Variants in ZNF280D observed in about 807,000 individuals in gnomAD.
ZNF280D encodes the protein zinc finger protein 280D, also known as suppressor of hairy wing homolog 4.
Under a neutral mutation model 94.7 loss-of-function variants are expected in ZNF280D, and 39 were observed. That is an observed-to-expected ratio of 0.41 (90% confidence interval 0.32 to 0.54). ZNF280D has a LOEUF of 0.54. ZNF280D is among the 20% of genes least tolerant of loss of function. The pLI is 0.22. For synonymous variants in ZNF280D, 398 were observed against 377.6 expected, an observed-to-expected ratio of 1.05 and a Z score of -0.63; for missense variants, 1,090 against 1,149.3, an observed-to-expected ratio of 0.95 and a Z score of 0.75.
At chr15:56,680,002 G>A (rs1002039760) in intron 10 of ZNF280D, among the ~76,000 whole-genome samples, 1 of 152,142 alleles carries the variant, frequency 6.6e-6, no homozygotes. Context: ...AACATAAAAT[G>A]TTCCCTTAAC....
intron 13 of ZNF280D, among the ~76,000 whole-genome samples, chr15:56,673,878 A>G (rs1400940913): frequency 6.6e-6 from 1 of 151,904 alleles, no homozygotes; most frequent in Non-Finnish European, 1.5e-5. Context: ...AACATTCTTT[A>G]TACAACGTCC....
In ZNF280D at chr15:56,654,409, T is replaced by C; in HGVS notation, c.2152A>G (p.Thr718Ala). 1.2e-6 allele frequency: 2 copies of C among 1,606,154 alleles called. No homozygotes were observed. The highest frequency in any genetic ancestry group is 1.7e-6 in the Non-Finnish European group (2 of 1,178,040). Residue 718 changes from threonine to alanine, a missense_variant, in exon 18 of 22, where the codon ACT (threonine) becomes GCT (alanine). Thr to Ala is a moderately conservative substitution (Grantham distance 58). Transcript: ENST00000267807. ...CCTTTCTGCATTACAACTTGGCAAG[T>C]ATGAGTTTTATGTTGACTTAAGTGT... ...ATHLSQHKTH[T>A]CQVVMQKVSV...
At chr15:56,728,460 A>G (rs1180786474) in intron 1 of ZNF280D, among the ~76,000 whole-genome samples, 1 of 152,252 alleles carries the variant, frequency 6.6e-6, no homozygotes, top group East Asian at 1.9e-4. Context: ...AAATTGAAAA[A>G]TCTTGCAATT....
chr15:56,680,186 A>C (rs1270078173), intron 10 of ZNF280D, among the ~76,000 whole-genome samples: 2 of 152,214 alleles, frequency 1.3e-5, no homozygotes, highest in Admixed American at 6.5e-5. Context: ...CAATATATTG[A>C]CATGGCAGAG....
chr15:56,704,987 A>G (rs1215846567), intron 3 of ZNF280D, among the ~76,000 whole-genome samples: 2 of 152,052 alleles, frequency 1.3e-5, no homozygotes. Context: ...ATGTCTTTAA[A>G]AAAAAAAATG....
chr15:56,668,704 A>G, intron 14 of ZNF280D, 119 bp downstream of exon 14: 1 of 967,784 alleles, frequency 1.0e-6, no homozygotes, highest in Non-Finnish European at 1.4e-6. Context: ...TTAAAACCTA[A>G]AATTAGAGTC....
intron 17 of ZNF280D, chr15:56,654,763 G>A (rs1228852396): frequency 7.7e-6 from 4 of 516,170 alleles, no homozygotes; most frequent in Admixed American, 6.8e-5. Flanking sequence ...TTAGGAGTCA[G>A]AAGACCTAGA....
chr15:56,724,760 TAGAA>T (rs1287416655), intron 1 of ZNF280D: 3 of 308,476 alleles, frequency 9.7e-6, no homozygotes, highest in African/African-American at 2.2e-5. Context: ...AATCAAAGAA[TAGAA>T]AGACATCTGT....
At position 56,727,328 on chromosome 15, in the gene ZNF280D, G is replaced by A. The variant is rs576505077; in HGVS notation, c.-86+6130C>T. Among the ~76,000 whole-genome samples the A allele has an allele frequency of 2.3e-3, 348 of 152,240 alleles. 3 individuals are homozygous for A. Among genetic ancestry groups the A allele is most frequent in the African/African-American group, 7.8e-3 (323 of 41,540 alleles). ...TACAAAATTAGTCAGGCATGGTGGC[G>A]CACGCCTGTAGTTCCAGCTACTCGG... On this transcript the variant is annotated intron_variant, in intron 1 of 21. Transcript: ENST00000267807.
At chr15:56,668,151 C>A (rs553101173) in intron 14 of ZNF280D, 1 of 454,296 alleles carries the variant, frequency 2.2e-6, no homozygotes, top group South Asian at 1.6e-5. Context: ...AGGAAAGTAC[C>A]CAAAGCCAAA....
rs536309188 is a variant in ZNF280D at position 56,720,388 on chromosome 15, C to T, written c.-86+13070G>A. On this transcript the variant is annotated intron_variant, in intron 1 of 21. Coordinates refer to ENST00000267807, the MANE Select transcript of ZNF280D (RefSeq NM_017661.4). ...TCCACTTCTAAATCCGGCTCTCTTG[C>T]TACTCCCATCACATCTGCAGTTACT... is the stretch of plus-strand genomic sequence containing the variant. Among the ~76,000 whole-genome samples the T allele has an allele frequency of 2.5e-4, 38 of 152,320 alleles. No homozygotes were observed. In the South Asian group the frequency reaches 6.6e-3, roughly 27 times the overall value.
At chr15:56,650,280 C>A (rs560498663) in intron 19 of ZNF280D, among the ~76,000 whole-genome samples, 5 of 152,090 alleles carry the variant, frequency 3.3e-5, no homozygotes, top group African/African-American at 1.2e-4. Context: ...ACTACTGGTG[C>A]TAAGTATAAA....
In ZNF280D at chr15:56,704,270, A is replaced by G. The variant is rs779906615; in HGVS notation, c.29-3T>C. Reference sequence around the variant, plus strand: ...CAGTTCTGCCATTTTTGAATTACCTAATTTTCAAAAGGAGAGAAGTAAACC... The same window carrying G: ...CAGTTCTGCCATTTTTGAATTACCTGATTTTCAAAAGGAGAGAAGTAAACC... On this transcript the variant is annotated splice_polypyrimidine_tract_variant and splice_region_variant and intron_variant, in intron 3 of 21. Coordinates refer to ENST00000267807, the MANE Select transcript of ZNF280D (RefSeq NM_017661.4). 8 of 1,602,300 alleles carry G rather than the reference A, an allele frequency of 5.0e-6. No individual in the cohort carries two copies. Among genetic ancestry groups the G allele is most frequent in the Non-Finnish European group, 5.9e-6 (7 of 1,176,828 alleles).
intron 19 of ZNF280D, among the ~76,000 whole-genome samples, chr15:56,648,916 G>A (rs774872765): frequency 6.6e-6 from 1 of 151,966 alleles, no homozygotes; most frequent in Non-Finnish European, 1.5e-5. Flanking sequence ...ATTCTCCTTA[G>A]GACCAGTTCT....
chr15:56,668,970 A>C lies in ZNF280D; in HGVS notation c.1411-13T>G, dbSNP rs200146752. ...GTATTCCTTTTTTCTGTTTAGAAAA[A>C]AACAGAAAAAGGGGGAAAAATAATT... On this transcript the variant is annotated splice_polypyrimidine_tract_variant and intron_variant, in intron 13 of 21. Coordinates refer to ENST00000267807, the MANE Select transcript of ZNF280D (RefSeq NM_017661.4). 22 of 1,597,586 alleles carry C rather than the reference A, an allele frequency of 1.4e-5. 1 individual carries two copies. The Admixed American group carries it at 2.1e-4, about 15-fold the overall frequency.
At chr15:56,673,960 ACAGTACTTATTGCCAGCATATACATTC>A in intron 13 of ZNF280D, among the ~76,000 whole-genome samples, 1 of 152,064 alleles carries the variant, frequency 6.6e-6, no homozygotes, top group Non-Finnish European at 1.5e-5. Context: ...ATTTTCTCCC[ACAGTACTTATTGCCAGCATATACATTC>A]TAACACACAC....
intron 16 of ZNF280D, among the ~76,000 whole-genome samples, chr15:56,659,913 AAT>A (rs1555404106): frequency 5.9e-5 from 9 of 151,534 alleles, no homozygotes; most frequent in Admixed American, 2.6e-4. Context: ...GGAAAAAAAA[AAT>A]ATATATATAT....
intron 1 of ZNF280D, among the ~76,000 whole-genome samples, chr15:56,710,518 G>T (rs2057701313): frequency 6.6e-6 from 1 of 151,842 alleles, no homozygotes. Context: ...GTTTGCATGG[G>T]GGAAAAATGA....
chr15:56,649,349 T>C (rs936473715), intron 19 of ZNF280D, among the ~76,000 whole-genome samples: 1 of 152,176 alleles, frequency 6.6e-6, no homozygotes, highest in African/African-American at 2.4e-5. Context: ...TTTTTCCATC[T>C]CACTGGGTCT....
Sources: allele counts gnomAD v4.1 joint callset (sites outside exome capture counted in the v4.1 genomes callset), GRCh38; gene constraint gnomAD v4.1.1; transcripts MANE v1.5; gene names NCBI Gene and HGNC (gene_info 2026-07-23, HGNC 2026-07-21).